ZNF69: variants seen among roughly 807,000 people sequenced by gnomAD.
ZNF69 encodes zinc finger protein 69.
ZNF69 carries 47 observed loss-of-function variants against 50.9 expected under a neutral mutation model. The ratio of observed to expected loss-of-function variants is 0.92; its 90% confidence interval spans 0.73 to 1.18. ZNF69 has a LOEUF of 1.18. Among genes scored for constraint, ZNF69 ranks in the 50% most tolerant of loss-of-function variants. The pLI, the probability that ZNF69 is intolerant of heterozygous loss-of-function variation, is 0.00. For synonymous variants in ZNF69, 216 were observed against 223.1 expected (o/e 0.97, Z 0.29); for missense variants, 717 against 675.1 (o/e 1.06, Z -0.69).
At chr19:11,902,158 T>C (rs1306700512) in intron 1 of ZNF69, among the ~76,000 whole-genome samples, 1 of 152,012 alleles carries the variant, frequency 6.6e-6, no homozygotes, top group Non-Finnish European at 1.5e-5. Context: ...AATTTTGTAT[T>C]TTTAGTAGAG....
At chr19:11,938,020 G>A in the ZNF69 span, among the ~76,000 whole-genome samples, 1 of 152,044 alleles carries the variant, frequency 6.6e-6, no homozygotes, top group African/African-American at 2.4e-5. Flanking sequence ...ACTCATAAAT[G>A]GGCTAAGGCT....
At chr19:11,909,130 C>T (rs1218843741), downstream of ZNF69, among the ~76,000 whole-genome samples, 9 of 151,894 alleles carry the variant, frequency 5.9e-5, no homozygotes, top group South Asian at 2.1e-4. Flanking sequence ...AGGAAGAAGT[C>T]GAATCCCTGA....
At chr19:11,924,022 G>A in the ZNF69 span, among the ~76,000 whole-genome samples, 1 of 152,248 alleles carries the variant, frequency 6.6e-6, no homozygotes, top group African/African-American at 2.4e-5. Flanking sequence ...CCCATGTGCA[G>A]ACGCATTTGT....
At chr19:11,977,009 G>A in the ZNF69 span, 1 of 1,613,098 alleles carries the variant, frequency 6.2e-7, no homozygotes, top group East Asian at 2.2e-5. Context: ...CTCTCACCCA[G>A]CCTCCTCTAC....
chr19:11,899,281 A>G (rs1972193817), intron 1 of ZNF69, among the ~76,000 whole-genome samples: 2 of 152,160 alleles, frequency 1.3e-5, no homozygotes, highest in Non-Finnish European at 2.9e-5. Flanking sequence ...TTGTTGCTTG[A>G]CAACTCACTT....
At chr19:11,957,990 G>A in the ZNF69 span, among the ~76,000 whole-genome samples, 1 of 152,188 alleles carries the variant, frequency 6.6e-6, no homozygotes, top group African/African-American at 2.4e-5. Context: ...TATCTAGTGG[G>A]TGTCTGGTTT....
chr19:11,894,124 C>A (rs146585416), intron 1 of ZNF69, among the ~76,000 whole-genome samples: 1 of 152,174 alleles, frequency 6.6e-6, no homozygotes, highest in Non-Finnish European at 1.5e-5. Flanking sequence ...CAGACACTCC[C>A]GTGTGAAAAT....
At chr19:11,889,084 G>C (rs975855231) in intron 1 of ZNF69, among the ~76,000 whole-genome samples, 62 of 152,146 alleles carry the variant, frequency 4.1e-4, no homozygotes, top group African/African-American at 1.4e-3. Context: ...GTGAAGCTTT[G>C]TCTAAAGTTT....
At chr19:11,902,275 C>A (rs1972263751) in intron 1 of ZNF69, among the ~76,000 whole-genome samples, 1 of 152,148 alleles carries the variant, frequency 6.6e-6, no homozygotes. Context: ...AGCCACCATG[C>A]CCGGCTAAGA....
At chr19:11,932,075 A>G in the ZNF69 span, among the ~76,000 whole-genome samples, 2 of 147,544 alleles carry the variant, frequency 1.4e-5, no homozygotes, top group African/African-American at 5.3e-5. Context: ...AGATCCCAAG[A>G]TCGTGCCATT....
the ZNF69 span, among the ~76,000 whole-genome samples, chr19:11,972,319 GA>G: frequency 6.6e-6 from 1 of 151,904 alleles, no homozygotes; most frequent in Non-Finnish European, 1.5e-5. Flanking sequence ...AAAGAAAAAA[GA>G]AAAAAATGAG....
downstream of ZNF69, among the ~76,000 whole-genome samples, chr19:11,908,869 C>T (rs532610866): frequency 5.8e-4 from 88 of 152,204 alleles, no homozygotes; most frequent in African/African-American, 2.1e-3. Context: ...TTCAAAAAAT[C>T]AGTGAATCCA....
chr19:11,893,745 G>T (rs957479686), intron 1 of ZNF69, among the ~76,000 whole-genome samples: 3 of 152,114 alleles, frequency 2.0e-5, no homozygotes, highest in African/African-American at 7.2e-5. Context: ...GGCCTCCCGA[G>T]GGAGCAGCTG....
At chr19:11,959,556 G>A in the ZNF69 span, among the ~76,000 whole-genome samples, 3 of 152,194 alleles carry the variant, frequency 2.0e-5, no homozygotes, top group African/African-American at 7.2e-5. Context: ...TATGCTGAGA[G>A]GGTGTGTTTC....
chr19:11,960,220 A>G, the ZNF69 span, among the ~76,000 whole-genome samples: 3 of 152,116 alleles, frequency 2.0e-5, no homozygotes, highest in East Asian at 5.8e-4. Context: ...GGGTTTCACC[A>G]TGTTGGCCAG....
the ZNF69 span, among the ~76,000 whole-genome samples, chr19:11,932,757 C>T: frequency 6.8e-6 from 1 of 146,376 alleles, no homozygotes; most frequent in Admixed American, 6.7e-5. Flanking sequence ...CCTGTCTCAG[C>T]CTCCCAAGTA....
At chr19:11,978,424 C>G in the ZNF69 span, 3 of 1,614,164 alleles carry the variant, frequency 1.9e-6, no homozygotes, top group Non-Finnish European at 2.5e-6. Flanking sequence ...AGGAATCACA[C>G]CGGAGAGAAA....
chr19:11,912,380 C>T (rs1972470207), intron 4 of ZNF69, among the ~76,000 whole-genome samples: 1 of 151,994 alleles, frequency 6.6e-6, no homozygotes, highest in Non-Finnish European at 1.5e-5. Flanking sequence ...GTAAAGAATG[C>T]AGAAAAGCAT....
the ZNF69 span, chr19:11,950,528 C>T: frequency 1.6e-6 from 1 of 618,032 alleles, no homozygotes; most frequent in East Asian, 3.3e-5. Flanking sequence ...GAGTGAAACC[C>T]TATGAATGTA....
Sources: gnomAD v4.1 joint callset for allele counts (sites outside exome capture counted in the v4.1 genomes callset) on GRCh38, gnomAD v4.1.1 for gene constraint, MANE v1.5 for transcripts, NCBI Gene and HGNC (gene_info 2026-07-23, HGNC 2026-07-21) for gene names.